The following ITFG1 variants were observed in gnomAD, a reference collection of about 807,000 sequenced individuals.
The protein encoded by ITFG1 is integrin alpha FG-GAP repeat containing 1, also known as T-cell immunomodulatory protein.
In ITFG1, 34 loss-of-function variants were observed where a neutral mutation model predicts 81.8. The observed-to-expected ratio is 0.42, with a 90% CI of 0.32 to 0.55. The LOEUF is 0.55. ITFG1 is among the 20% of genes least tolerant of loss of function. The pLI is 0.17. For missense variants in ITFG1, 672 were observed against 755.4 expected, an observed-to-expected ratio of 0.89 and a Z score of 1.29; for synonymous variants, 285 against 270.6, an observed-to-expected ratio of 1.05 and a Z score of -0.52.
At chr16:47,438,711 T>C (rs1969203929) in intron 5 of ITFG1, among the ~76,000 whole-genome samples, 1 of 151,870 alleles carries the variant, frequency 6.6e-6, no homozygotes, top group African/African-American at 2.4e-5. Flanking sequence ...AGACCAAAGG[T>C]AGATAAAACC....
At chr16:47,421,112 C>T (rs1181842689) in intron 6 of ITFG1, among the ~76,000 whole-genome samples, 1 of 151,946 alleles carries the variant, frequency 6.6e-6, no homozygotes, top group African/African-American at 2.4e-5. Flanking sequence ...CTTTTCACCC[C>T]TTAGCTTTCA....
intron 6 of ITFG1, among the ~76,000 whole-genome samples, chr16:47,422,739 A>C (rs1968967139): frequency 6.6e-6 from 1 of 152,130 alleles, no homozygotes; most frequent in African/African-American, 2.4e-5. Flanking sequence ...TGTGTCCAGG[A>C]ATTTATCCAC....
intron 12 of ITFG1, among the ~76,000 whole-genome samples, chr16:47,239,751 C>G (rs1309905027): frequency 1.3e-5 from 2 of 152,042 alleles, no homozygotes; most frequent in Non-Finnish European, 2.9e-5. Flanking sequence ...TTATGAAAAC[C>G]CTAACTTCTC....
intron 6 of ITFG1, among the ~76,000 whole-genome samples, chr16:47,427,435 T>C (rs777817331): frequency 1.1e-4 from 17 of 152,174 alleles, no homozygotes; most frequent in Non-Finnish European, 1.2e-4. Flanking sequence ...GGTGGGTGAA[T>C]TGCCTGAGCT....
chr16:47,186,278 G>T (rs1965214007), intron 14 of ITFG1, among the ~76,000 whole-genome samples: 1 of 152,202 alleles, frequency 6.6e-6, no homozygotes. Flanking sequence ...GCATCATCCT[G>T]ACGCCAAAGC....
intron 8 of ITFG1, among the ~76,000 whole-genome samples, chr16:47,326,288 A>C (rs917137250): frequency 2.6e-5 from 4 of 152,208 alleles, no homozygotes; most frequent in Non-Finnish European, 1.5e-5. Context: ...TCATGCTAAA[A>C]ACTCTCAATA....
intron 14 of ITFG1, among the ~76,000 whole-genome samples, chr16:47,171,562 C>T (rs2151510092): frequency 1.3e-5 from 2 of 152,096 alleles, no homozygotes; most frequent in African/African-American, 2.4e-5. Flanking sequence ...TATTTCCATC[C>T]TCCTGCTGGC....
chr16:47,254,238 T>C (rs548924981), intron 12 of ITFG1, among the ~76,000 whole-genome samples: 4 of 152,178 alleles, frequency 2.6e-5, no homozygotes, highest in African/African-American at 9.6e-5. Flanking sequence ...AAAAAAAATG[T>C]AAATGAATAA....
At chr16:47,401,356 T>C (rs1358536753) in intron 6 of ITFG1, among the ~76,000 whole-genome samples, 1 of 152,034 alleles carries the variant, frequency 6.6e-6, no homozygotes, top group East Asian at 1.9e-4. Context: ...ATACATAAAT[T>C]TGGGAGCTGG....
intron 13 of ITFG1, among the ~76,000 whole-genome samples, chr16:47,222,779 T>C (rs543844417): frequency 2.6e-5 from 4 of 152,360 alleles, no homozygotes; most frequent in Non-Finnish European, 4.4e-5. Flanking sequence ...AAGTTTGTTA[T>C]AATTTCTGTT....
intron 6 of ITFG1, among the ~76,000 whole-genome samples, chr16:47,405,654 A>T (rs1168078633): frequency 6.6e-6 from 1 of 152,240 alleles, no homozygotes; most frequent in Non-Finnish European, 1.5e-5. Context: ...GGTTAATAAC[A>T]GAACTTACTC....
chr16:47,347,011 A>C (rs1967864703), intron 8 of ITFG1, among the ~76,000 whole-genome samples: 1 of 152,224 alleles, frequency 6.6e-6, no homozygotes, highest in Admixed American at 6.5e-5. Context: ...TGCCTCAACA[A>C]AACACTGGCA....
chr16:47,374,849 TC>T (rs992219194), intron 7 of ITFG1, among the ~76,000 whole-genome samples: 22 of 152,070 alleles, frequency 1.4e-4, no homozygotes, highest in African/African-American at 5.1e-4. Flanking sequence ...CAACCCCCCA[TC>T]GTAGTTTCCT....
At chr16:47,232,549 G>C (rs2151532205) in intron 13 of ITFG1, among the ~76,000 whole-genome samples, 1 of 152,020 alleles carries the variant, frequency 6.6e-6, no homozygotes, top group Non-Finnish European at 1.5e-5. Context: ...ATGGGTAGTA[G>C]GTGGTGGTAT....
intron 10 of ITFG1, among the ~76,000 whole-genome samples, chr16:47,275,491 C>T (rs1966388093): frequency 6.6e-6 from 1 of 152,152 alleles, no homozygotes; most frequent in South Asian, 2.1e-4. Flanking sequence ...AAATCACGTA[C>T]ATGCTGGAGT....
At chr16:47,304,316 TC>T (rs1443101152) in intron 10 of ITFG1, among the ~76,000 whole-genome samples, 1 of 152,170 alleles carries the variant, frequency 6.6e-6, no homozygotes, top group Admixed American at 6.5e-5. Context: ...GAAGGAATTT[TC>T]AGGGTAGGTA....
chr16:47,426,747 T>C (rs1168113133), intron 6 of ITFG1, among the ~76,000 whole-genome samples: 1 of 152,016 alleles, frequency 6.6e-6, no homozygotes, highest in Non-Finnish European at 1.5e-5. Flanking sequence ...AATGAAAATG[T>C]TGTAGCAAAA....
chr16:47,181,336 CG>C (rs1965112004), intron 14 of ITFG1, among the ~76,000 whole-genome samples: 1 of 151,086 alleles, frequency 6.6e-6, no homozygotes, highest in Non-Finnish European at 1.5e-5. Flanking sequence ...GCAGCCGCCC[CG>C]TCCGGGAGGG....
chr16:47,423,080 A>C (rs1968971610), intron 6 of ITFG1, among the ~76,000 whole-genome samples: 1 of 152,140 alleles, frequency 6.6e-6, no homozygotes, highest in South Asian at 2.1e-4. Context: ...TAGGTCACTA[A>C]GGACTTGCTT....
Sources: allele counts gnomAD v4.1 joint callset (sites outside exome capture counted in the v4.1 genomes callset), GRCh38; gene constraint gnomAD v4.1.1; transcripts MANE v1.5; gene names NCBI Gene and HGNC (gene_info 2026-07-23, HGNC 2026-07-21).